The following SIL1 variants were observed in gnomAD, a reference collection of about 807,000 sequenced individuals.
The protein encoded by SIL1 is SIL1 nucleotide exchange factor.
Under a neutral mutation model 49.1 loss-of-function variants are expected in SIL1, and 40 were observed. That is an observed-to-expected ratio of 0.81 (90% CI 0.63 to 1.06). The LOEUF (loss-of-function observed/expected upper bound fraction) is 1.06. Among genes scored for constraint, SIL1 ranks in the 50% least tolerant of loss-of-function variants. The pLI is 0.00. For missense variants in SIL1, 500 were observed against 572.6 expected (o/e 0.87, Z 1.29); for synonymous variants, 253 against 250.8 (o/e 1.01, Z -0.08).
At chr5:139,076,403 T>C (rs1360675913) in intron 3 of SIL1, among the ~76,000 whole-genome samples, 1 of 152,082 alleles carries the variant, frequency 6.6e-6, no homozygotes, top group East Asian at 1.9e-4. Context: ...AGACCATAAA[T>C]AAACAAATGG....
At chr5:138,974,521 T>C (rs529655208) in intron 7 of SIL1, among the ~76,000 whole-genome samples, 160 of 152,314 alleles carry the variant, frequency 1.1e-3, no homozygotes, top group Non-Finnish European at 1.9e-3. Context: ...CTCAGCTGAT[T>C]TGGGAAGCCA....
intron 7 of SIL1, among the ~76,000 whole-genome samples, chr5:138,967,329 C>A (rs1247099801): frequency 6.6e-6 from 1 of 152,192 alleles, no homozygotes; most frequent in Non-Finnish European, 1.5e-5. Context: ...TGGCCATCTG[C>A]ATTTTAACAA....
At chr5:139,025,809 G>T (rs1037632660) in intron 6 of SIL1, among the ~76,000 whole-genome samples, 15 of 152,116 alleles carry the variant, frequency 9.9e-5, no homozygotes, top group African/African-American at 3.4e-4. Context: ...AAAGGGCCTG[G>T]TAGTAAATAT....
chr5:139,194,802 A>G (rs1339900642), intron 1 of SIL1, among the ~76,000 whole-genome samples: 2 of 152,224 alleles, frequency 1.3e-5, no homozygotes, highest in Non-Finnish European at 2.9e-5. Context: ...GCAAAACTTC[A>G]CTTAGGAAAG....
intron 1 of SIL1, among the ~76,000 whole-genome samples, chr5:139,196,101 T>A (rs1177889154): frequency 2.0e-5 from 3 of 152,026 alleles, no homozygotes; most frequent in Non-Finnish European, 4.4e-5. Context: ...TTAGTGAGAG[T>A]ATTACTTAAG....
At chr5:139,137,929 C>A (rs1455501423) in intron 1 of SIL1, among the ~76,000 whole-genome samples, 1 of 151,718 alleles carries the variant, frequency 6.6e-6, no homozygotes, top group Non-Finnish European at 1.5e-5. Flanking sequence ...ATACCACACA[C>A]AGGCACCTTG....
At chr5:139,053,651 C>T (rs915631779) in intron 3 of SIL1, among the ~76,000 whole-genome samples, 1 of 152,306 alleles carries the variant, frequency 6.6e-6, no homozygotes, top group Non-Finnish European at 1.5e-5. Context: ...GCACACTGGT[C>T]TTTTTCCATC....
At chr5:138,954,244 CT>C (rs1473226668) in intron 7 of SIL1, among the ~76,000 whole-genome samples, 2 of 152,348 alleles carry the variant, frequency 1.3e-5, no homozygotes, top group Non-Finnish European at 2.9e-5. Context: ...AAAGTCTGAC[CT>C]TTTGTAAATT....
intron 7 of SIL1, 25 bp downstream of exon 7, chr5:139,021,146 T>C (rs777649465): frequency 3.5e-5 from 57 of 1,613,956 alleles, no homozygotes; most frequent in South Asian, 2.7e-4. Context: ...ATTCTGGCCA[T>C]TGGGACGTCC....
At chr5:139,120,792 T>C (rs1166021268) in intron 3 of SIL1, among the ~76,000 whole-genome samples, 2 of 152,186 alleles carry the variant, frequency 1.3e-5, no homozygotes, top group African/African-American at 4.8e-5. Flanking sequence ...AATCACTTGC[T>C]CAGAAACCAC....
intron 1 of SIL1, among the ~76,000 whole-genome samples, chr5:139,196,262 G>T (rs560052910): frequency 6.6e-6 from 1 of 152,206 alleles, no homozygotes; most frequent in South Asian, 2.1e-4. Flanking sequence ...GGTTCAAAAA[G>T]GTCTCTGAAA....
intron 3 of SIL1, among the ~76,000 whole-genome samples, chr5:139,116,839 C>T (rs1478351004): frequency 6.6e-6 from 1 of 152,168 alleles, no homozygotes; most frequent in East Asian, 1.9e-4. Context: ...ATGTGCCAGG[C>T]CCTGTGTTGA....
At chr5:139,151,446 A>C (rs1751298463) in intron 1 of SIL1, among the ~76,000 whole-genome samples, 1 of 151,970 alleles carries the variant, frequency 6.6e-6, no homozygotes. Flanking sequence ...CTTTAACAAC[A>C]CCTCCTGTTT....
chr5:139,066,758 TG>T (rs1769715183), intron 3 of SIL1, among the ~76,000 whole-genome samples: 1 of 152,072 alleles, frequency 6.6e-6, no homozygotes, highest in South Asian at 2.1e-4. Flanking sequence ...CACGCTGGGG[TG>T]CAGTGGTATG....
At chr5:139,145,477 A>G (rs368716960) in intron 1 of SIL1, among the ~76,000 whole-genome samples, 1 of 152,220 alleles carries the variant, frequency 6.6e-6, no homozygotes, top group African/African-American at 2.4e-5. Context: ...GCTTAAGTAG[A>G]TACCCAAAAG....
intron 1 of SIL1, among the ~76,000 whole-genome samples, chr5:139,181,516 C>T (rs1751982787): frequency 6.6e-6 from 1 of 152,226 alleles, no homozygotes; most frequent in Non-Finnish European, 1.5e-5. Flanking sequence ...ATGCATTCCT[C>T]CACTGGGAGT....
At chr5:139,167,653 TTTA>T (rs1203331413) in intron 1 of SIL1, among the ~76,000 whole-genome samples, 2 of 151,788 alleles carry the variant, frequency 1.3e-5, no homozygotes, top group African/African-American at 2.4e-5. Context: ...TACAGCTACA[TTTA>T]TTATTGAAGA....
chr5:139,020,138 C>T (rs1393052794), intron 7 of SIL1, among the ~76,000 whole-genome samples: 1 of 152,188 alleles, frequency 6.6e-6, no homozygotes, highest in African/African-American at 2.4e-5. Flanking sequence ...ACACCACCAA[C>T]ACAGGGAGCC....
chr5:139,005,247 TAAAA>T (rs35417365), intron 7 of SIL1, among the ~76,000 whole-genome samples: 54,468 of 151,234 alleles, frequency 0.36, 9,809 homozygotes, highest in Middle Eastern at 0.44. Context: ...ATCTGCCAAG[TAAAA>T]AAAAATTTTT....
Sources: allele counts gnomAD v4.1 joint callset (sites outside exome capture counted in the v4.1 genomes callset), GRCh38; gene constraint gnomAD v4.1.1; transcripts MANE v1.5; gene names NCBI Gene and HGNC (gene_info 2026-07-23, HGNC 2026-07-21).